The following OXR1 variants were observed in gnomAD, a reference collection of about 807,000 sequenced individuals.
The protein encoded by OXR1 is oxidation resistance protein 1.
In OXR1, 41 loss-of-function variants were observed where a neutral mutation model predicts 104.6. The ratio of observed to expected loss-of-function variants is 0.39; its 90% CI spans 0.31 to 0.51. The LOEUF is 0.51. Among genes scored for constraint, OXR1 ranks in the 20% least tolerant of loss-of-function variants. OXR1 has a pLI of 0.77. For missense variants in OXR1, 955 were observed against 1,031.9 expected (o/e 0.93, Z 1.02); for synonymous variants, 348 against 348.4 (o/e 1.00, Z 0.01).
chr8:106,580,996 T>C, intron 3 of OXR1: 2 of 1,054,772 alleles, frequency 1.9e-6, no homozygotes, highest in Non-Finnish European at 2.3e-6. Context: ...ACCACTGTCT[T>C]ACCCAGCACT....
chr8:106,400,525 T>A (rs1817959218), intron 2 of OXR1, among the ~76,000 whole-genome samples: 1 of 151,352 alleles, frequency 6.6e-6, no homozygotes, highest in African/African-American at 2.5e-5. Flanking sequence ...TCCTCTTTTT[T>A]CAAAGGTATT....
chr8:106,284,954 G>A (rs529088461), intron 1 of OXR1, among the ~76,000 whole-genome samples: 3 of 152,164 alleles, frequency 2.0e-5, no homozygotes, highest in African/African-American at 7.2e-5. Flanking sequence ...CCCTTATAGG[G>A]ATGGTAATCT....
chr8:106,683,177 ATTTAT>A lies in OXR1; in HGVS notation c.304-18_304-14del. On this transcript the variant is annotated splice_polypyrimidine_tract_variant and intron_variant, in intron 4 of 16. Coordinates refer to ENST00000517566, the MANE Select transcript of OXR1 (RefSeq NM_001198533.2). ...TTTTTCTGTTTTAAACATTGAAATA[ATTTAT>A]TTTTTCTTTTAAACAGGTTGAATCA... 8.3e-7 allele frequency: 1 copy of A among 1,203,108 alleles called. No individual in the cohort carries two copies. Among genetic ancestry groups the A allele is most frequent in the Non-Finnish European group, 1.2e-6 (1 of 817,818 alleles). 74.5% of individuals were successfully genotyped at this position (1,203,108 alleles called of 1,614,324 possible).
rs1022481484 is a variant in OXR1, at chr8:106,279,844, T to C, written c.-139+9477T>C. Among the ~76,000 whole-genome samples the C allele has an allele frequency of 3.9e-5, 6 of 152,302 alleles. No homozygotes were observed. In the South Asian group the frequency reaches 6.2e-4, roughly 16 times the overall value. ...TTCAGATTAAGCAGAAAGGAATCCA[T>C]TGGATGGTTATGGAGGAGTTCATGG... On this transcript the variant is annotated intron_variant, in intron 1 of 16. Coordinates refer to ENST00000517566, the MANE Select transcript of OXR1 (RefSeq NM_001198533.2).
chr8:106,505,468 A>G (rs116188885), intron 2 of OXR1, among the ~76,000 whole-genome samples: 1,945 of 152,242 alleles, frequency 0.013, 41 homozygotes, highest in African/African-American at 0.041. Context: ...TGAGAGAGAC[A>G]GAACAAAGTG....
At chr8:106,546,949 T>A (rs779518910) in intron 3 of OXR1, among the ~76,000 whole-genome samples, 1 of 152,220 alleles carries the variant, frequency 6.6e-6, no homozygotes, top group Non-Finnish European at 1.5e-5. Flanking sequence ...TGGAGTGCAG[T>A]GATGCAATCT....
intron 1 of OXR1, among the ~76,000 whole-genome samples, chr8:106,285,078 A>G (rs1341406929): frequency 6.6e-6 from 1 of 152,028 alleles, no homozygotes; most frequent in Non-Finnish European, 1.5e-5. Flanking sequence ...TTAACTCGTC[A>G]TTTACATTAG....
intron 1 of OXR1, among the ~76,000 whole-genome samples, chr8:106,286,568 A>G (rs1353623287): frequency 1.3e-5 from 2 of 152,196 alleles, no homozygotes; most frequent in Non-Finnish European, 2.9e-5. Flanking sequence ...TCCTGTTTCC[A>G]TTTTCTTTAA....
In OXR1 at chr8:106,471,207, G is replaced by A. The variant is rs189149641; in HGVS notation, c.24-47736G>A. On this transcript the variant is annotated intron_variant, in intron 2 of 16. Coordinates refer to ENST00000517566, the MANE Select transcript of OXR1 (RefSeq NM_001198533.2). ...AAGGGTGGATTATAGAGGAGAGAGG[G>A]GAAATTATTAGAGCAATGGGCTTGA... Among the ~76,000 whole-genome samples the A allele has an allele frequency of 1.2e-4, 18 of 150,938 alleles. No individual in the cohort carries two copies. In the East Asian group the frequency reaches 3.3e-3, roughly 28 times the overall value.
chr8:106,274,857 G>A (rs1298038146), intron 1 of OXR1, among the ~76,000 whole-genome samples: 1 of 152,210 alleles, frequency 6.6e-6, no homozygotes, highest in East Asian at 1.9e-4. Flanking sequence ...TGACTTCAGT[G>A]TAAGCAACAC....
rs116127214 is a variant in OXR1 at position 106,278,672 on chromosome 8, G to A, written c.-139+8305G>A. Among the ~76,000 whole-genome samples, 1,505 of 152,096 alleles carry A rather than the reference G, an allele frequency of 9.9e-3. 15 individuals carry two copies. The highest frequency in any genetic ancestry group is 0.033 in the African/African-American group (1,365 of 41,492). On this transcript the variant is annotated intron_variant, in intron 1 of 16. Transcript: ENST00000517566. The stretch of plus-strand genomic sequence containing the variant: ...CTCTCATTTATTTTTCACCCTTTGC[G>A]TAGATCACAGTGACTGGATGTCATA...
At chr8:106,355,633 TATGA>T (rs1281034552) in intron 1 of OXR1, among the ~76,000 whole-genome samples, 1 of 152,134 alleles carries the variant, frequency 6.6e-6, no homozygotes, top group East Asian at 1.9e-4. Flanking sequence ...GTATAATTGC[TATGA>T]ATGGTCACTA....
At chr8:106,334,650 A>G in intron 1 of OXR1, among the ~76,000 whole-genome samples, 1 of 152,230 alleles carries the variant, frequency 6.6e-6, no homozygotes, top group Non-Finnish European at 1.5e-5. Flanking sequence ...ACCACTAACA[A>G]AATAACTCAT....
intron 1 of OXR1, among the ~76,000 whole-genome samples, chr8:106,303,248 C>CTTTTT (rs1164596413): frequency 6.8e-3 from 624 of 92,318 alleles, no homozygotes; most frequent in Non-Finnish European, 7.8e-3. Context: ...TTTTTTCTTT[C>CTTTTT]TTTTTTTTTT....
chr8:106,282,199 G>T (rs1812318798), intron 1 of OXR1, among the ~76,000 whole-genome samples: 1 of 152,080 alleles, frequency 6.6e-6, no homozygotes, highest in African/African-American at 2.4e-5. Flanking sequence ...CATCTTTATT[G>T]TTACCTCTAA....
intron 1 of OXR1, among the ~76,000 whole-genome samples, chr8:106,331,665 T>C (rs944427522): frequency 2.0e-5 from 3 of 152,008 alleles, no homozygotes; most frequent in Non-Finnish European, 4.4e-5. Flanking sequence ...TGAGGCCAGG[T>C]GCGGTGGCTC....
At chr8:106,727,211 C>T (rs1833429558) in intron 11 of OXR1, among the ~76,000 whole-genome samples, 1 of 150,096 alleles carries the variant, frequency 6.7e-6, no homozygotes, top group South Asian at 2.1e-4. Context: ...TTTTTTTAAA[C>T]CAAGAACAAT....
chr8:106,503,403 G>A (rs1811938080), intron 2 of OXR1, among the ~76,000 whole-genome samples: 1 of 152,200 alleles, frequency 6.6e-6, no homozygotes, highest in African/African-American at 2.4e-5. Context: ...GGTAGACAGG[G>A]ACTGATTTCA....
At chr8:106,606,387 A>C (rs1027538456) in intron 3 of OXR1, among the ~76,000 whole-genome samples, 5 of 150,562 alleles carry the variant, frequency 3.3e-5, no homozygotes, top group Non-Finnish European at 7.4e-5. Context: ...TGCAACCACC[A>C]CCTCCCAAGT....
Sources: allele counts gnomAD v4.1 joint callset (sites outside exome capture counted in the v4.1 genomes callset), GRCh38; gene constraint gnomAD v4.1.1; transcripts MANE v1.5; gene names NCBI Gene and HGNC (gene_info 2026-07-23, HGNC 2026-07-21).